The following CTNNA3 variants were observed in gnomAD, a reference collection of about 807,000 sequenced individuals.
CTNNA3 encodes the protein catenin alpha 3.
CTNNA3 carries 76 observed loss-of-function variants against 95.7 expected under a neutral mutation model. The observed-to-expected ratio is 0.79, with a 90% CI of 0.66 to 0.96. CTNNA3 has a LOEUF of 0.96. Ranked by LOEUF, CTNNA3 falls within the 40% of genes least tolerant of loss-of-function variation. The pLI is 0.00. For missense variants in CTNNA3, 1,191 were observed against 1,089.8 expected (o/e 1.09, Z -1.31); for synonymous variants, 431 against 374.4 (o/e 1.15, Z -1.74).
rs188254395 is a variant in CTNNA3, at chr10:66,295,773, C to G, written c.1733-15152G>C. On this transcript the variant is annotated intron_variant, in intron 12 of 17. Transcript: ENST00000433211. ...ATCTTAGTTACCGCTCAGGAAATAA[C>G]CTGTCAGCACATCATCTCTGAACAC... Among the ~76,000 whole-genome samples, 76 of 152,272 alleles carry G rather than the reference C, an allele frequency of 5.0e-4. 1 individual carries two copies. The East Asian group carries it at 0.012, about 23-fold the overall frequency.
intron 8 of CTNNA3, among the ~76,000 whole-genome samples, chr10:66,770,955 T>C (rs1182605146): frequency 6.6e-6 from 1 of 152,138 alleles, no homozygotes; most frequent in Non-Finnish European, 1.5e-5. Flanking sequence ...AATGTACTAA[T>C]AATTATTTCA....
At chr10:67,150,884 G>A (rs992384109) in intron 7 of CTNNA3, among the ~76,000 whole-genome samples, 1 of 146,218 alleles carries the variant, frequency 6.8e-6, no homozygotes, top group African/African-American at 2.5e-5. Context: ...GATTTACTTG[G>A]AAGACTTCAT....
At chr10:66,176,311 A>G (rs1460582963) in intron 13 of CTNNA3, among the ~76,000 whole-genome samples, 1 of 152,200 alleles carries the variant, frequency 6.6e-6, no homozygotes, top group Non-Finnish European at 1.5e-5. Flanking sequence ...GAAAACCATC[A>G]TTTAGACACG....
intron 5 of CTNNA3, among the ~76,000 whole-genome samples, chr10:67,280,966 G>A (rs1358518729): frequency 6.6e-6 from 1 of 151,740 alleles, no homozygotes; most frequent in East Asian, 1.9e-4. Flanking sequence ...AGTTTATTTT[G>A]GCAAAATGTG....
At chr10:66,643,699 G>A (rs1014104229) in intron 9 of CTNNA3, among the ~76,000 whole-genome samples, 1 of 152,030 alleles carries the variant, frequency 6.6e-6, no homozygotes, top group African/African-American at 2.4e-5. Flanking sequence ...GCAAACCGAA[G>A]GTTACTAATT....
At chr10:66,360,639 C>CT (rs747593248) in intron 12 of CTNNA3, among the ~76,000 whole-genome samples, 3,105 of 56,588 alleles carry the variant, frequency 0.055, 153 homozygotes, top group East Asian at 0.27. Context: ...TTCTTTCTTT[C>CT]TTTCTTTCTT....
intron 5 of CTNNA3, among the ~76,000 whole-genome samples, chr10:67,298,059 T>C (rs572836572): frequency 5.5e-4 from 84 of 152,338 alleles, no homozygotes; most frequent in African/African-American, 1.8e-3. Flanking sequence ...CTTTTTAAGT[T>C]GGCTTCATCT....
At chr10:67,366,001 A>C (rs1281164563) in intron 5 of CTNNA3, among the ~76,000 whole-genome samples, 1 of 152,236 alleles carries the variant, frequency 6.6e-6, no homozygotes, top group South Asian at 2.1e-4. Context: ...GATAGACTGG[A>C]TTAAGAAAAT....
chr10:66,131,386 C>A (rs545301496), intron 13 of CTNNA3, among the ~76,000 whole-genome samples: 1 of 152,262 alleles, frequency 6.6e-6, no homozygotes, highest in Non-Finnish European at 1.5e-5. Context: ...ATGCTTTATT[C>A]CTGAGATGCA....
chr10:67,323,740 A>T (rs188926573), intron 5 of CTNNA3, among the ~76,000 whole-genome samples: 1 of 152,074 alleles, frequency 6.6e-6, no homozygotes, highest in South Asian at 2.1e-4. Context: ...AGTTCTGTGA[A>T]GTGTTTCAAT....
At chr10:66,587,896 G>A (rs977292683) in intron 10 of CTNNA3, among the ~76,000 whole-genome samples, 2 of 152,114 alleles carry the variant, frequency 1.3e-5, no homozygotes, top group South Asian at 4.1e-4. Context: ...CAGCTCCTGC[G>A]CCCATGGCTA....
At chr10:66,080,040 G>T (rs554938327) in intron 14 of CTNNA3, among the ~76,000 whole-genome samples, 111 of 152,154 alleles carry the variant, frequency 7.3e-4, no homozygotes, top group Non-Finnish European at 1.1e-3. Context: ...ATCGCTTGAA[G>T]TCAGTTTAGT....
At chr10:66,171,732 T>A (rs1227084393) in intron 13 of CTNNA3, among the ~76,000 whole-genome samples, 4 of 151,988 alleles carry the variant, frequency 2.6e-5, no homozygotes, top group Admixed American at 1.3e-4. Context: ...GTTCTAATGA[T>A]GGAATTAGCT....
intron 5 of CTNNA3, among the ~76,000 whole-genome samples, chr10:67,289,387 C>T (rs994668934): frequency 5.3e-5 from 8 of 151,986 alleles, no homozygotes; most frequent in Admixed American, 2.0e-4. Context: ...AGTAAATCCT[C>T]AAAAAAGGCA....
chr10:66,996,902 T>C (rs1453217402), intron 7 of CTNNA3, among the ~76,000 whole-genome samples: 4 of 152,074 alleles, frequency 2.6e-5, no homozygotes, highest in Non-Finnish European at 5.9e-5. Context: ...CTGTTGACAG[T>C]CTGTAATTCA....
intron 17 of CTNNA3, among the ~76,000 whole-genome samples, chr10:65,944,521 C>T (rs1297288728): frequency 1.3e-5 from 2 of 152,180 alleles, no homozygotes; most frequent in Non-Finnish European, 2.9e-5. Flanking sequence ...CTGCATGAAC[C>T]ATGGATGAGC....
chr10:66,432,354 A>G (rs895087920), intron 11 of CTNNA3, among the ~76,000 whole-genome samples: 2 of 152,152 alleles, frequency 1.3e-5, no homozygotes, highest in African/African-American at 4.8e-5. Flanking sequence ...TAAAATTATT[A>G]TTATACTTTA....
chr10:66,917,886 T>C (rs567018280), intron 7 of CTNNA3, among the ~76,000 whole-genome samples: 1 of 152,318 alleles, frequency 6.6e-6, no homozygotes, highest in South Asian at 2.1e-4. Flanking sequence ...CAGTCATAGA[T>C]GCAAAGTAAA....
intron 5 of CTNNA3, among the ~76,000 whole-genome samples, chr10:67,224,446 GAGT>G (rs1864797724): frequency 6.6e-6 from 1 of 152,182 alleles, no homozygotes; most frequent in Non-Finnish European, 1.5e-5. Context: ...CTTAAACAGT[GAGT>G]AGAAGTTATC....
Sources: allele counts gnomAD v4.1 joint callset (sites outside exome capture counted in the v4.1 genomes callset), GRCh38; gene constraint gnomAD v4.1.1; transcripts MANE v1.5; gene names NCBI Gene and HGNC (gene_info 2026-07-23, HGNC 2026-07-21).